Variants in JAZF1 observed in about 807,000 individuals in gnomAD.
JAZF1 encodes juxtaposed with another zinc finger protein 1.
Under a neutral mutation model 26.4 loss-of-function variants are expected in JAZF1, and 8 were observed. The observed-to-expected ratio is 0.30, with a 90% CI of 0.18 to 0.55. The LOEUF (loss-of-function observed/expected upper bound fraction) is 0.55. JAZF1 is among the 20% of genes least tolerant of loss of function. JAZF1 has a pLI of 0.94. For missense variants in JAZF1, 199 were observed against 322.0 expected (o/e 0.62, Z 2.92); for synonymous variants, 126 against 122.3 (o/e 1.03, Z -0.20).
intron 1 of JAZF1, among the ~76,000 whole-genome samples, chr7:28,059,679 C>T (rs937243593): frequency 1.3e-5 from 2 of 152,088 alleles, no homozygotes; most frequent in Non-Finnish European, 2.9e-5. Context: ...TATGTTGCTC[C>T]TCTTTCCCTG....
chr7:27,931,660 A>C (rs901881989), intron 2 of JAZF1, among the ~76,000 whole-genome samples: 1 of 152,128 alleles, frequency 6.6e-6, no homozygotes. Flanking sequence ...TACTAAAAAT[A>C]CAAAAAAATT....
chr7:28,179,115 GC>G (rs1375478638), intron 1 of JAZF1, among the ~76,000 whole-genome samples: 2 of 152,192 alleles, frequency 1.3e-5, no homozygotes, highest in African/African-American at 4.8e-5. Context: ...CATCCACATG[GC>G]TGAATCCATG....
intron 1 of JAZF1, among the ~76,000 whole-genome samples, chr7:28,068,803 C>A (rs1783926189): frequency 6.6e-6 from 1 of 152,132 alleles, no homozygotes; most frequent in Non-Finnish European, 1.5e-5. Context: ...CATATAAAAT[C>A]TTTGGGGTAT....
intron 2 of JAZF1, among the ~76,000 whole-genome samples, chr7:27,915,348 T>G (rs749137230): frequency 1.3e-5 from 2 of 152,236 alleles, no homozygotes; most frequent in African/African-American, 2.4e-5. Context: ...AACGAGTGCC[T>G]TCTTTCAGCT....
chr7:28,007,921 T>C (rs557393866), intron 1 of JAZF1, among the ~76,000 whole-genome samples: 83 of 152,284 alleles, frequency 5.5e-4, no homozygotes, highest in African/African-American at 2.0e-3. Context: ...AAGTGCTTCA[T>C]AGAATGCTGG....
intron 1 of JAZF1, among the ~76,000 whole-genome samples, chr7:27,999,630 A>G (rs1447911843): frequency 6.6e-6 from 1 of 152,180 alleles, no homozygotes; most frequent in Admixed American, 6.5e-5. Flanking sequence ...ATATTTGCAA[A>G]TATGTCTTAT....
chr7:27,902,322 A>T (rs2128343293), intron 2 of JAZF1, among the ~76,000 whole-genome samples: 1 of 152,350 alleles, frequency 6.6e-6, no homozygotes, highest in Non-Finnish European at 1.5e-5. Context: ...CAGAAATTTC[A>T]CAAAACAATC....
intron 3 of JAZF1, among the ~76,000 whole-genome samples, chr7:27,859,895 AAAT>A (rs1279357850): frequency 6.6e-6 from 1 of 152,212 alleles, no homozygotes; most frequent in Non-Finnish European, 1.5e-5. Context: ...ACAAATTATC[AAAT>A]AAAAGTCTGT....
intron 1 of JAZF1, among the ~76,000 whole-genome samples, chr7:28,109,786 C>G (rs760438914): frequency 6.6e-6 from 1 of 152,178 alleles, no homozygotes; most frequent in Non-Finnish European, 1.5e-5. Flanking sequence ...TGAGAGACTG[C>G]GGGGATGGAG....
intron 1 of JAZF1, among the ~76,000 whole-genome samples, chr7:28,178,086 G>A (rs528149906): frequency 6.6e-6 from 1 of 152,130 alleles, no homozygotes; most frequent in Non-Finnish European, 1.5e-5. Context: ...AGTTCACCTA[G>A]GTCACTGCTA....
intron 1 of JAZF1, among the ~76,000 whole-genome samples, chr7:28,162,901 G>A (rs919799308): frequency 6.6e-6 from 1 of 152,206 alleles, no homozygotes; most frequent in Non-Finnish European, 1.5e-5. Flanking sequence ...TGGAGCTTAA[G>A]ACTTCATGGT....
At chr7:28,049,376 G>A (rs756830894) in intron 1 of JAZF1, among the ~76,000 whole-genome samples, 95 of 151,956 alleles carry the variant, frequency 6.3e-4, no homozygotes, top group Non-Finnish European at 1.2e-3. Flanking sequence ...GAGCCACCGC[G>A]CCCGGCCGGA....
chr7:27,885,124 C>A (rs1273904601), intron 3 of JAZF1, among the ~76,000 whole-genome samples: 1 of 152,148 alleles, frequency 6.6e-6, no homozygotes, highest in Non-Finnish European at 1.5e-5. Flanking sequence ...TTAAATATTA[C>A]CAGTGGGATG....
chr7:27,860,748 C>T (rs1022313631), intron 3 of JAZF1, among the ~76,000 whole-genome samples: 18 of 152,312 alleles, frequency 1.2e-4, no homozygotes, highest in African/African-American at 3.8e-4. Context: ...TCCCAGCCAG[C>T]GTACTGCACT....
At chr7:28,058,192 T>C (rs561647595) in intron 1 of JAZF1, among the ~76,000 whole-genome samples, 2 of 152,216 alleles carry the variant, frequency 1.3e-5, no homozygotes, top group Admixed American at 1.3e-4. Context: ...GAAGGACCAG[T>C]CAGAGTTTGT....
intron 4 of JAZF1, among the ~76,000 whole-genome samples, chr7:27,837,763 C>T (rs1035304841): frequency 6.6e-6 from 1 of 152,136 alleles, no homozygotes; most frequent in Admixed American, 6.5e-5. Context: ...TGCCTCTTTG[C>T]CCTAAGGACT....
chr7:28,058,899 C>A (rs1033766186), intron 1 of JAZF1, among the ~76,000 whole-genome samples: 1 of 152,142 alleles, frequency 6.6e-6, no homozygotes, highest in African/African-American at 2.4e-5. Context: ...TTGGATGCAG[C>A]CTTCTTTATA....
At chr7:28,079,380 C>CGCTTCTG (rs1484979368) in intron 1 of JAZF1, among the ~76,000 whole-genome samples, 2 of 152,170 alleles carry the variant, frequency 1.3e-5, no homozygotes, top group Non-Finnish European at 2.9e-5. Flanking sequence ...AGCTGCCTCC[C>CGCTTCTG]GCTTCTGTTT....
chr7:27,835,405 C>T (rs574002308), intron 4 of JAZF1, among the ~76,000 whole-genome samples: 142 of 152,242 alleles, frequency 9.3e-4, no homozygotes, highest in African/African-American at 3.3e-3. Context: ...GAGGGGATTC[C>T]GGCAGGCGCT....
Sources: gnomAD v4.1 joint callset for allele counts (sites outside exome capture counted in the v4.1 genomes callset) on GRCh38, gnomAD v4.1.1 for gene constraint, MANE v1.5 for transcripts, NCBI Gene and HGNC (gene_info 2026-07-23, HGNC 2026-07-21) for gene names.